The following ERH variants were observed in gnomAD, a reference collection of about 807,000 sequenced individuals.
ERH encodes the protein enhancer of rudimentary homolog.
ERH carries 1 observed loss-of-function variant against 16.8 expected under a neutral mutation model. That is an observed-to-expected ratio of 0.06 (90% confidence interval 0.02 to 0.28). ERH has a LOEUF of 0.28. Among genes scored for constraint, ERH ranks in the 10% least tolerant of loss-of-function variants. The probability of loss-of-function intolerance (pLI) is 1.00; values close to 1 mark genes in which losing one functional copy is unlikely to be tolerated. For missense variants in ERH, 42 were observed against 127.5 expected (o/e 0.33, Z 3.23); for synonymous variants, 43 against 43.6 (o/e 0.99, Z 0.05).
intron 3 of ERH, 40 bp downstream of exon 3, chr14:69,386,923 T>C (rs2045896851): frequency 6.2e-7 from 1 of 1,602,694 alleles, no homozygotes; most frequent in Non-Finnish European, 8.5e-7. Flanking sequence ...AGAAAAGCAA[T>C]AGAAAATACA....
intron 2 of ERH, among the ~76,000 whole-genome samples, chr14:69,389,152 G>A (rs1005832837): frequency 4.6e-5 from 7 of 151,916 alleles, no homozygotes; most frequent in East Asian, 1.9e-4. Flanking sequence ...TCAGCCTCCC[G>A]AGTAGCTGAG....
At chr14:69,397,770 T>C (rs932625257) in intron 1 of ERH, among the ~76,000 whole-genome samples, 8 of 152,022 alleles carry the variant, frequency 5.3e-5, no homozygotes, top group African/African-American at 1.9e-4. Flanking sequence ...ATAAAAAAAT[T>C]AGCCGAGCGA....
intron 2 of ERH, 102 bp downstream of exon 2, chr14:69,394,723 G>T: frequency 1.5e-6 from 1 of 650,646 alleles, no homozygotes; most frequent in Non-Finnish European, 2.6e-6. Context: ...GATAAAGGCA[G>T]GGCCTGGGGT....
chr14:69,387,112 T>C (rs200718090), intron 2 of ERH, 29 bp from the exon 3 acceptor site: 202 of 1,603,812 alleles, frequency 1.3e-4, no homozygotes, highest in South Asian at 4.6e-4. Flanking sequence ...AAAAGCAAAA[T>C]CTTACAATCG....
chr14:69,393,662 TG>T (rs1482061134), intron 2 of ERH, among the ~76,000 whole-genome samples: 1 of 151,912 alleles, frequency 6.6e-6, no homozygotes, highest in Non-Finnish European at 1.5e-5. Flanking sequence ...CTACAAAAGG[TG>T]GGAGAATGGT....
chr14:69,395,353 TAAGTA>T (rs1297156238), intron 1 of ERH, among the ~76,000 whole-genome samples: 1 of 152,216 alleles, frequency 6.6e-6, no homozygotes, highest in African/African-American at 2.4e-5. Context: ...TGTCTTAGTC[TAAGTA>T]TAGTATCTAG....
chr14:69,392,644 T>C (rs984515206), intron 2 of ERH, among the ~76,000 whole-genome samples: 1 of 152,218 alleles, frequency 6.6e-6, no homozygotes, highest in Non-Finnish European at 1.5e-5. Flanking sequence ...CACAGTAATG[T>C]AGGACATAAG....
intron 2 of ERH, among the ~76,000 whole-genome samples, chr14:69,389,128 C>T (rs1383941177): frequency 6.6e-6 from 1 of 152,064 alleles, no homozygotes; most frequent in Non-Finnish European, 1.5e-5. Flanking sequence ...TCAAGCGATT[C>T]TCTTGCCTCA....
At chr14:69,385,468 CT>C (rs1005263597) in intron 3 of ERH, among the ~76,000 whole-genome samples, 6 of 151,944 alleles carry the variant, frequency 3.9e-5, no homozygotes, top group African/African-American at 1.2e-4. Context: ...CCTGTCCTCC[CT>C]TTTTTATGAT....
intron 3 of ERH, among the ~76,000 whole-genome samples, chr14:69,384,291 G>A (rs1012117039): frequency 1.3e-5 from 2 of 152,206 alleles, no homozygotes; most frequent in African/African-American, 4.8e-5. Flanking sequence ...TAATAATGCT[G>A]TGCTCAGCAA....
chr14:69,394,964 G>A, intron 1 of ERH, 52 bp from the exon 2 acceptor site: 1 of 1,292,064 alleles, frequency 7.7e-7, no homozygotes, highest in East Asian at 2.3e-5. Context: ...GAAATTCATA[G>A]TATGATAAAA....
chr14:69,383,436 T>G (rs542616979), intron 3 of ERH, among the ~76,000 whole-genome samples: 1 of 152,310 alleles, frequency 6.6e-6, no homozygotes, highest in Non-Finnish European at 1.5e-5. Context: ...GTCTGAGGAG[T>G]AACGGCCCAA....
At chr14:69,391,752 A>G (rs1315585145) in intron 2 of ERH, among the ~76,000 whole-genome samples, 1 of 151,812 alleles carries the variant, frequency 6.6e-6, no homozygotes, top group East Asian at 1.9e-4. Context: ...GACATTCCAG[A>G]AAAGGCAAAA....
Position 69,382,036 on chromosome 14 carries a change from G to A in ERH, c.213-1396C>T, listed in dbSNP as rs560003178. Among the ~76,000 whole-genome samples, 11 of 152,270 alleles carry A rather than the reference G, an allele frequency of 7.2e-5. No homozygotes were observed. The East Asian group carries it at 1.7e-3, about 24-fold the overall frequency. On this transcript the variant is annotated intron_variant, in intron 3 of 3. Coordinates refer to ENST00000557016, the MANE Select transcript of ERH (RefSeq NM_004450.3). ...ACCAAGGCTTTAAAAAGTGAAGCAAGTTATTAGCTAGGTAATGCTGGACTG... is the reference window on the plus strand; with the variant it reads ...ACCAAGGCTTTAAAAAGTGAAGCAAATTATTAGCTAGGTAATGCTGGACTG...
intron 1 of ERH, among the ~76,000 whole-genome samples, chr14:69,397,574 G>A (rs1351812492): frequency 6.6e-6 from 1 of 151,540 alleles, no homozygotes; most frequent in Non-Finnish European, 1.5e-5. Context: ...AGAATAGTTA[G>A]ACAACCCTGG....
intron 3 of ERH, among the ~76,000 whole-genome samples, chr14:69,383,546 G>A (rs1334495623): frequency 1.3e-5 from 2 of 152,164 alleles, no homozygotes; most frequent in Admixed American, 1.3e-4. Context: ...AAAGTCACCT[G>A]GGGAAAATAG....
chr14:69,395,429 C>T (rs1882313111), intron 1 of ERH, among the ~76,000 whole-genome samples: 1 of 152,196 alleles, frequency 6.6e-6, no homozygotes, highest in African/African-American at 2.4e-5. Context: ...GTACTTACTG[C>T]CTACAAGTAA....
chr14:69,393,696 C>T (rs1409714724), intron 2 of ERH, among the ~76,000 whole-genome samples: 2 of 152,152 alleles, frequency 1.3e-5, no homozygotes, highest in Non-Finnish European at 2.9e-5. Context: ...ATCACTACTG[C>T]GTACAATGTA....
intron 3 of ERH, among the ~76,000 whole-genome samples, chr14:69,386,224 T>C (rs1357700515): frequency 2.6e-5 from 4 of 152,220 alleles, no homozygotes; most frequent in Non-Finnish European, 5.9e-5. Flanking sequence ...ATTCCATGAT[T>C]GGCTCCAGTG....
Sources: gnomAD v4.1 joint callset for allele counts (sites outside exome capture counted in the v4.1 genomes callset) on GRCh38, gnomAD v4.1.1 for gene constraint, MANE v1.5 for transcripts, NCBI Gene and HGNC (gene_info 2026-07-23, HGNC 2026-07-21) for gene names.